The following DOT1L variants were observed in gnomAD, a reference collection of about 807,000 sequenced individuals.
The protein encoded by DOT1L is DOT1 like histone lysine methyltransferase.
In DOT1L, 33 loss-of-function variants were observed where a neutral mutation model predicts 153.3. The observed-to-expected ratio is 0.22, with a 90% CI of 0.16 to 0.29. The LOEUF (loss-of-function observed/expected upper bound fraction) is 0.29. DOT1L is among the 10% of genes least tolerant of loss of function. The pLI, the probability that DOT1L is intolerant of heterozygous loss-of-function variation, is 1.00. For synonymous variants in DOT1L, 1,135 were observed against 965.1 expected (o/e 1.18, Z -3.26); for missense variants, 1,847 against 2,119.9 (o/e 0.87, Z 2.53).
chr19:2,223,486 G>A lies in DOT1L; in HGVS notation c.3596G>A (p.Arg1199Gln). 1.2e-6 allele frequency: 2 copies of A among 1,608,132 alleles called. No homozygotes were observed. Among genetic ancestry groups the A allele is most frequent in the Non-Finnish European group, 1.7e-6 (2 of 1,178,796 alleles). The change falls in exon 25 of 28, where the codon CGA (arginine) becomes CAA (glutamine). Residue 1199 changes from arginine (R) to glutamine (Q), a missense_variant and splice_region_variant. Around this residue, in one of 8 missense-constraint regions of DOT1L, gnomAD observed 934 missense variants for 825.3 expected, o/e 1.13. Coordinates refer to ENST00000398665, the MANE Select transcript of DOT1L (RefSeq NM_032482.3). ...TCTGAGGACGAGCCCAGCAGTGCTC[G>A]GCGAGTCCAGGGGCCCGGAGGGGGG... Reference protein sequence around the residue: ...PGSEDEPSSARIERKIATISL... With the variant: ...PGSEDEPSSAQIERKIATISL...
chr19:2,188,494 C>CCCCCG (rs1491479536), intron 3 of DOT1L, among the ~76,000 whole-genome samples: 21 of 117,630 alleles, frequency 1.8e-4, no homozygotes, highest in East Asian at 1.5e-3. Context: ...CCCCCCCCCC[C>CCCCCG]ACCCGCACAG....
chr19:2,213,705 C>G (rs376557534), intron 17 of DOT1L, 65 bp downstream of exon 17: 9 of 1,603,250 alleles, frequency 5.6e-6, no homozygotes, highest in Non-Finnish European at 7.7e-6. Flanking sequence ...GGTCCATGTC[C>G]GTCGGTATGG....
chr19:2,193,222 C>T lies in DOT1L; in HGVS notation c.494-467C>T, dbSNP rs572118431. ...TGCGGGGGACCCCTCACTGCCTCTC[C>T]CACCCTACATTGAGCCTCAGTCAGA... is the stretch of plus-strand genomic sequence containing the variant. On this transcript the variant is annotated intron_variant, in intron 5 of 27. Transcript: ENST00000398665. This position sits in a 1 kb window ranked among gnomAD's most constrained non-coding sequence, Gnocchi z 5.9. 2.8e-4 allele frequency among the ~76,000 whole-genome samples: 43 copies of T among 152,314 alleles called. No homozygotes were observed. Among genetic ancestry groups the T allele is most frequent in the African/African-American group, 1.0e-3 (43 of 41,566 alleles).
chr19:2,189,938 G>T (rs2022716745), intron 4 of DOT1L, 143 bp downstream of exon 4: 3 of 948,992 alleles, frequency 3.2e-6, no homozygotes, highest in Non-Finnish European at 4.8e-6. Flanking sequence ...GGGACGATGG[G>T]CTGTGGGTGA....
chr19:2,226,797 CTCT>C lies in DOT1L; in HGVS notation c.4279_4281del (p.Phe1427del). The C allele has an allele frequency of 6.3e-7, 1 of 1,579,778 alleles. No homozygotes were observed. Among genetic ancestry groups the C allele is most frequent in the Non-Finnish European group, 8.5e-7 (1 of 1,170,092 alleles). Reference sequence around the variant, plus strand: ...GGTCGACCTCAAGAATGGCCACAACCTCTTCATCTCTGCGGCGGCCGTGCCTCC... The same window carrying C: ...GGTCGACCTCAAGAATGGCCACAACCTCATCTCTGCGGCGGCCGTGCCTCC... On this transcript the variant is annotated inframe_deletion, in exon 27 of 28. Transcript: ENST00000398665.
In DOT1L at chr19:2,180,892, G is replaced by C; in HGVS notation, c.125+136G>C. On this transcript the variant is annotated intron_variant, in intron 2 of 27. Transcript: ENST00000398665. ...GGAGGTGTTGTGAAGCGGATCAGGG[G>C]TGACTCAGGGACGGGTAGAGCTGCT... 3.9e-6 allele frequency: 4 copies of C among 1,021,738 alleles called. No individual in the cohort carries two copies. The South Asian group carries it at 6.1e-5, about 16-fold the overall frequency. The allele number at this position is 1,021,738 out of a possible 1,614,324, so 63.3% of individuals were successfully genotyped here.
Position 2,230,084 on chromosome 19 carries a change from C to T in DOT1L, c.*292C>T, listed in dbSNP as rs900513527. On this transcript the variant is annotated 3_prime_UTR_variant, in exon 28 of 28. Coordinates refer to ENST00000398665, the MANE Select transcript of DOT1L (RefSeq NM_032482.3). ...GCAACTTATTGAGAAATATAAATAT[C>T]TATATATGAGAGCTCTATATAAAGA... is the stretch of plus-strand genomic sequence containing the variant. The T allele has an allele frequency of 5.0e-6, 3 of 596,072 alleles. No individual in the cohort carries two copies. The highest frequency in any genetic ancestry group is 3.7e-5 in the African/African-American group (2 of 53,686). 36.9% of individuals were successfully genotyped at this position (596,072 alleles called of 1,614,324 possible). A position where few individuals can be genotyped will look rare whatever the true frequency, so the allele number is the denominator to read the frequency against.
At chr19:2,214,403 C>T in intron 18 of DOT1L, 68 bp from the exon 19 acceptor site, 2 of 1,582,078 alleles carry the variant, frequency 1.3e-6, no homozygotes, top group South Asian at 1.2e-5. Context: ...GGAACCCTGC[C>T]CTGAGAGTGT....
At chr19:2,229,230 C>T (rs1426457080) in intron 27 of DOT1L, 1 of 985,360 alleles carries the variant, frequency 1.0e-6, no homozygotes, top group African/African-American at 1.7e-5. Flanking sequence ...ACTGTGGCCG[C>T]TGACCCCTGA....
intron 9 of DOT1L, among the ~76,000 whole-genome samples, chr19:2,203,453 C>G (rs1054332050): frequency 6.6e-6 from 1 of 152,200 alleles, no homozygotes; most frequent in Non-Finnish European, 1.5e-5. Context: ...AGCTGACCAC[C>G]CAGGGGCAAG....
intron 5 of DOT1L, among the ~76,000 whole-genome samples, chr19:2,192,328 G>A (rs962154519): frequency 1.3e-5 from 2 of 152,178 alleles, no homozygotes; most frequent in Non-Finnish European, 2.9e-5. Flanking sequence ...TCCCACTTCT[G>A]TTTATTTATT....
At chr19:2,175,760 G>A (rs2021899060) in intron 1 of DOT1L, among the ~76,000 whole-genome samples, 1 of 152,224 alleles carries the variant, frequency 6.6e-6, no homozygotes, top group African/African-American at 2.4e-5. Context: ...AACCCAGGAA[G>A]TGGAGGTTGC....
At chr19:2,227,640 C>T (rs571392202) in intron 27 of DOT1L, 6 of 1,229,680 alleles carry the variant, frequency 4.9e-6, no homozygotes, top group Admixed American at 5.4e-5. Context: ...CCTGGCGGCG[C>T]CGTTTCGCTT....
chr19:2,215,236 A>C (rs1360828379), intron 19 of DOT1L, among the ~76,000 whole-genome samples: 1 of 152,196 alleles, frequency 6.6e-6, no homozygotes, highest in Non-Finnish European at 1.5e-5. Flanking sequence ...ACTGCACTCC[A>C]GCCTGGGTGA....
At position 2,230,145 on chromosome 19, in the gene DOT1L, C is replaced by T; in HGVS notation, c.*353C>T. The T allele has an allele frequency of 5.9e-6, 3 of 512,764 alleles. No homozygotes were observed. The South Asian group carries it at 9.2e-5, about 16-fold the overall frequency. The allele number at this position is 512,764 out of a possible 1,614,324, so 31.8% of individuals were successfully genotyped here. ...CAGGGCGGGCCCGCCAGCGGATTCG[C>T]CACAGCCTGCCCCGGTGCTATCTCG... is the stretch of plus-strand genomic sequence containing the variant. On this transcript the variant is annotated 3_prime_UTR_variant, in exon 28 of 28. Coordinates refer to ENST00000398665, the MANE Select transcript of DOT1L (RefSeq NM_032482.3).
chr19:2,228,699 C>CT lies in DOT1L; in HGVS notation c.4607-1085dup, dbSNP rs758536537. On this transcript the variant is annotated intron_variant, in intron 27 of 27. Coordinates refer to ENST00000398665, the MANE Select transcript of DOT1L (RefSeq NM_032482.3). ...GCTCACGGGGTGCCAGGCCAGGGGG[C>CT]TGGGAGCTCTAGCTCCTAGAGCAGT... 14 of 985,394 alleles carry CT rather than the reference C, an allele frequency of 1.4e-5. No homozygotes were observed. The East Asian group carries it at 6.8e-4, about 48-fold the overall frequency. 61.0% of individuals were successfully genotyped at this position (985,394 alleles called of 1,614,324 possible). A position where few individuals can be genotyped will look rare whatever the true frequency, so the allele number is the denominator to read the frequency against.
At chr19:2,206,918 G>A in intron 10 of DOT1L, 121 bp downstream of exon 10, 1 of 1,037,192 alleles carries the variant, frequency 9.6e-7, no homozygotes. Flanking sequence ...TCTGTGGGGT[G>A]GGGCTGTCCT....
intron 19 of DOT1L, 108 bp downstream of exon 19, chr19:2,214,704 AGGTGGAGGAGGACAGTTG>A (rs1735780739): frequency 6.1e-6 from 9 of 1,465,116 alleles, no homozygotes; most frequent in Non-Finnish European, 8.2e-6. Flanking sequence ...CCTAGGAAGA[AGGTGGAGGAGGACAGTTG>A]GGTGGAGGCT....
chr19:2,192,048 C>T (rs2022818198), intron 5 of DOT1L, among the ~76,000 whole-genome samples: 1 of 152,222 alleles, frequency 6.6e-6, no homozygotes, highest in African/African-American at 2.4e-5. Flanking sequence ...AGTGAAGGCC[C>T]CTTCTCCACA....
Sources: gnomAD v4.1 joint callset for allele counts (sites outside exome capture counted in the v4.1 genomes callset) on GRCh38, gnomAD v4.1.1 for gene constraint, gnomAD v4.1.1 regional missense constraint, Gnocchi (gnomAD v3.1) non-coding constraint, MANE v1.5 for transcripts, NCBI Gene and HGNC (gene_info 2026-07-23, HGNC 2026-07-21) for gene names.